Variants in EYA3 observed in about 807,000 individuals in gnomAD.
EYA3 encodes EYA transcriptional coactivator and phosphatase 3.
EYA3 carries 39 observed loss-of-function variants against 80.0 expected under a neutral mutation model. The observed-to-expected ratio is 0.49, with a 90% confidence interval of 0.38 to 0.64. The LOEUF (loss-of-function observed/expected upper bound fraction) is 0.64. Among genes scored for constraint, EYA3 ranks in the 30% least tolerant of loss-of-function variants. EYA3 has a pLI of 0.00. For missense variants in EYA3, 523 were observed against 676.1 expected, an observed-to-expected ratio of 0.77 and a Z score of 2.51; for synonymous variants, 206 against 232.8, an observed-to-expected ratio of 0.88 and a Z score of 1.05.
intron 10 of EYA3, among the ~76,000 whole-genome samples, chr1:28,005,580 T>C (rs1315704741): frequency 1.3e-5 from 2 of 151,526 alleles, no homozygotes; most frequent in Non-Finnish European, 2.9e-5. Context: ...CCAGTTCCGG[T>C]GGTGCATGCC....
chr1:28,053,835 G>A (rs1644353966), intron 2 of EYA3, among the ~76,000 whole-genome samples: 1 of 152,166 alleles, frequency 6.6e-6, no homozygotes. Flanking sequence ...TAAGAAACAG[G>A]ACTCTCTAGT....
At chr1:28,075,756 A>C (rs1645177685) in intron 1 of EYA3, among the ~76,000 whole-genome samples, 1 of 152,188 alleles carries the variant, frequency 6.6e-6, no homozygotes, top group Non-Finnish European at 1.5e-5. Context: ...GTTTACCTGG[A>C]GTCTGCTACA....
chr1:28,017,005 G>T, intron 8 of EYA3, 149 bp downstream of exon 8: 1 of 591,166 alleles, frequency 1.7e-6, no homozygotes, highest in Non-Finnish European at 3.0e-6. Flanking sequence ...ATGCCATCCA[G>T]GGTCCGAGTT....
chr1:28,042,794 C>T, intron 3 of EYA3, 144 bp from the exon 4 acceptor site: 2 of 664,182 alleles, frequency 3.0e-6, no homozygotes. Flanking sequence ...TGATTTTTAA[C>T]AACTACTTGA....
At chr1:27,998,073 C>T (rs1640579354) in intron 12 of EYA3, among the ~76,000 whole-genome samples, 1 of 152,114 alleles carries the variant, frequency 6.6e-6, no homozygotes, top group Non-Finnish European at 1.5e-5. Flanking sequence ...CATAAAATGC[C>T]GCCCACTACC....
At chr1:28,003,453 G>C (rs982249767) in intron 11 of EYA3, among the ~76,000 whole-genome samples, 1 of 151,744 alleles carries the variant, frequency 6.6e-6, no homozygotes, top group Non-Finnish European at 1.5e-5. Flanking sequence ...TGGGTGACAA[G>C]AGCAAGACTC....
intron 3 of EYA3, among the ~76,000 whole-genome samples, chr1:28,045,568 T>C (rs1191744765): frequency 1.3e-5 from 2 of 152,178 alleles, no homozygotes. Flanking sequence ...TATTATGTTA[T>C]AGCAACATCC....
At chr1:28,001,945 C>T (rs965287246) in intron 11 of EYA3, among the ~76,000 whole-genome samples, 4 of 148,488 alleles carry the variant, frequency 2.7e-5, no homozygotes, top group African/African-American at 9.9e-5. Context: ...GACGGAATTT[C>T]GCTCTTGTTG....
chr1:28,048,080 ATATGGTGCTTTTCATCTT>A (rs1358257029), intron 3 of EYA3, among the ~76,000 whole-genome samples: 10 of 152,210 alleles, frequency 6.6e-5, no homozygotes, highest in African/African-American at 2.4e-4. Context: ...TGACTGAAGA[ATATGGTGCTTTTCATCTT>A]TACCATTAAG....
At chr1:28,017,309 T>A in intron 7 of EYA3, 70 bp from the exon 8 acceptor site, 2 of 1,192,988 alleles carry the variant, frequency 1.7e-6, no homozygotes, top group South Asian at 2.6e-5. Context: ...TGAAAATAGA[T>A]GTGTTTTAAG....
At chr1:28,010,816 T>TAAGG in intron 10 of EYA3, 131 bp downstream of exon 10, 1 of 1,100,760 alleles carries the variant, frequency 9.1e-7, no homozygotes, top group Non-Finnish European at 1.3e-6. Flanking sequence ...GCCAATTTAG[T>TAAGG]TTATTTTGCT....
At chr1:28,062,054 AACTT>A (rs1644650701) in intron 1 of EYA3, among the ~76,000 whole-genome samples, 1 of 152,234 alleles carries the variant, frequency 6.6e-6, no homozygotes, top group African/African-American at 2.4e-5. Flanking sequence ...AATAAATTAA[AACTT>A]AGTCAAACAG....
At position 28,015,764 on chromosome 1, in the gene EYA3, T is replaced by C. The variant is rs534358049; in HGVS notation, c.585+1390A>G. Among the ~76,000 whole-genome samples the C allele has an allele frequency of 1.2e-4, 18 of 152,216 alleles. No individual in the cohort carries two copies. The South Asian group carries it at 3.1e-3, about 26-fold the overall frequency. On this transcript the variant is annotated intron_variant, in intron 8 of 17. Coordinates refer to ENST00000373871, the MANE Select transcript of EYA3 (RefSeq NM_001990.4). The stretch of plus-strand genomic sequence containing the variant: ...GCAAAAGAAATTCTTCTCAAAGATT[T>C]TGAGAAATGACCAGATTGGGTAAGG...
intron 16 of EYA3, among the ~76,000 whole-genome samples, chr1:27,988,096 C>A (rs1639791565): frequency 6.6e-6 from 1 of 152,120 alleles, no homozygotes; most frequent in Non-Finnish European, 1.5e-5. Flanking sequence ...TGTTGAACTC[C>A]TGGCCTCAAG....
intron 12 of EYA3, among the ~76,000 whole-genome samples, chr1:27,997,583 ACTAT>A (rs1452010495): frequency 1.3e-5 from 2 of 152,204 alleles, no homozygotes; most frequent in Non-Finnish European, 2.9e-5. Flanking sequence ...GAGTTCTGTA[ACTAT>A]CCCATCCCTT....
intron 1 of EYA3, among the ~76,000 whole-genome samples, chr1:28,061,676 T>C (rs1043288421): frequency 1.3e-5 from 2 of 152,066 alleles, no homozygotes; most frequent in African/African-American, 4.8e-5. Context: ...CTCAGCTCAC[T>C]GCAAGCTCCG....
At chr1:28,088,369 T>G (rs549078149) in intron 1 of EYA3, among the ~76,000 whole-genome samples, 155 bp downstream of exon 1, 6 of 151,856 alleles carry the variant, frequency 4.0e-5, no homozygotes, top group Admixed American at 3.9e-4. Flanking sequence ...GAGGCCAGCG[T>G]GAAGGAAAGG....
intron 6 of EYA3, among the ~76,000 whole-genome samples, chr1:28,028,364 T>C (rs1468910266): frequency 6.6e-6 from 1 of 152,196 alleles, no homozygotes; most frequent in Admixed American, 6.5e-5. Context: ...CAAATTTTTC[T>C]AAAATATATT....
chr1:28,017,010 C>T (rs1020105487), intron 8 of EYA3, 144 bp downstream of exon 8: 22 of 605,348 alleles, frequency 3.6e-5, no homozygotes, highest in Non-Finnish European at 5.2e-5. Flanking sequence ...ATCCAGGGTC[C>T]GAGTTCTGAA....
Sources: allele counts gnomAD v4.1 joint callset (sites outside exome capture counted in the v4.1 genomes callset), GRCh38; gene constraint gnomAD v4.1.1; transcripts MANE v1.5; gene names NCBI Gene and HGNC (gene_info 2026-07-23, HGNC 2026-07-21).